The following ST18 variants were observed in gnomAD, a reference collection of about 807,000 sequenced individuals.
ST18 encodes the protein suppression of tumorigenicity 18 protein.
In ST18, 50 loss-of-function variants were observed where a neutral mutation model predicts 110.0. The ratio of observed to expected loss-of-function variants is 0.45; its 90% CI spans 0.36 to 0.58. ST18 has a LOEUF of 0.58. Among genes scored for constraint, ST18 ranks in the 20% least tolerant of loss-of-function variants. ST18 has a pLI of 0.00. For missense variants in ST18, 1,306 were observed against 1,280.1 expected, an observed-to-expected ratio of 1.02 and a Z score of -0.31; for synonymous variants, 461 against 452.4, an observed-to-expected ratio of 1.02 and a Z score of -0.24.
At chr8:52,214,356 T>A in intron 6 of ST18, 99 bp from the exon 7 acceptor site, 1 of 1,268,034 alleles carries the variant, frequency 7.9e-7, no homozygotes, top group Non-Finnish European at 1.1e-6. Flanking sequence ...TGAAAAACAG[T>A]AGCCTTCCAT....
chr8:52,120,048 A>G (rs555648898), intron 23 of ST18, among the ~76,000 whole-genome samples: 1 of 152,308 alleles, frequency 6.6e-6, no homozygotes, highest in Non-Finnish European at 1.5e-5. Context: ...TACTCATGGA[A>G]CTATAGTATC....
chr8:52,311,222 C>G (rs2095901426), intron 2 of ST18, among the ~76,000 whole-genome samples: 1 of 152,200 alleles, frequency 6.6e-6, no homozygotes. Flanking sequence ...TCCTGCGGGG[C>G]TCAGCAGTGA....
intron 2 of ST18, among the ~76,000 whole-genome samples, chr8:52,331,303 T>C (rs1173115267): frequency 2.6e-5 from 4 of 151,630 alleles, no homozygotes; most frequent in Non-Finnish European, 5.9e-5. Flanking sequence ...AATATGTTTA[T>C]CTGTATTTAT....
In ST18 at chr8:52,148,353, C is replaced by A. The variant is rs189118834; in HGVS notation, c.2052+1379G>T. 1.2e-4 allele frequency among the ~76,000 whole-genome samples: 18 copies of A among 152,202 alleles called. No individual in the cohort carries two copies. The East Asian group carries it at 3.5e-3, about 29-fold the overall frequency. ...AATCAAAAGCTGCAGTGTGTGAATC[C>A]CCTCATCCTTCCATGTGATGGCTTG... is the stretch of plus-strand genomic sequence containing the variant. On this transcript the variant is annotated intron_variant, in intron 16 of 25. Coordinates refer to ENST00000689386, the MANE Select transcript of ST18 (RefSeq NM_001352837.2).
intron 2 of ST18, among the ~76,000 whole-genome samples, chr8:52,368,191 A>G (rs1828892124): frequency 6.6e-6 from 1 of 152,148 alleles, no homozygotes; most frequent in African/African-American, 2.4e-5. Flanking sequence ...TTTTTCATTA[A>G]GCATCCCTAA....
chr8:52,281,527 T>A (rs1389997887), intron 2 of ST18, among the ~76,000 whole-genome samples: 2 of 152,224 alleles, frequency 1.3e-5, no homozygotes, highest in Non-Finnish European at 2.9e-5. Context: ...CAACCTTATA[T>A]TTGAAGACTG....
intron 10 of ST18, among the ~76,000 whole-genome samples, chr8:52,169,622 G>T (rs909524857): frequency 6.6e-6 from 1 of 152,064 alleles, no homozygotes; most frequent in African/African-American, 2.4e-5. Context: ...TGTCAGTTGG[G>T]ATAAGCATTG....
chr8:52,385,940 C>T (rs1813700871), intron 2 of ST18, among the ~76,000 whole-genome samples: 1 of 152,070 alleles, frequency 6.6e-6, no homozygotes, highest in South Asian at 2.1e-4. Flanking sequence ...AGGGAAGGGC[C>T]CTCACAAATG....
chr8:52,349,190 C>A (rs1819139968), intron 2 of ST18, among the ~76,000 whole-genome samples: 1 of 152,160 alleles, frequency 6.6e-6, no homozygotes, highest in African/African-American at 2.4e-5. Context: ...CTTCTTCTTT[C>A]TCCCTTCCCT....
chr8:52,390,668 A>C (rs1839002412), intron 2 of ST18, among the ~76,000 whole-genome samples: 1 of 152,218 alleles, frequency 6.6e-6, no homozygotes, highest in African/African-American at 2.4e-5. Flanking sequence ...CCAACTGCAC[A>C]GGGCTAGACT....
intron 2 of ST18, among the ~76,000 whole-genome samples, chr8:52,273,499 A>G (rs184670180): frequency 9.8e-5 from 15 of 152,344 alleles, no homozygotes; most frequent in African/African-American, 3.4e-4. Flanking sequence ...GGGTTAACTC[A>G]GAATATTCCA....
intron 24 of ST18, among the ~76,000 whole-genome samples, chr8:52,116,894 T>G (rs2042757460): frequency 6.6e-6 from 1 of 152,146 alleles, no homozygotes; most frequent in African/African-American, 2.4e-5. Context: ...AGTGTGACTG[T>G]GCTACCTTCT....
chr8:52,156,638 T>C lies in ST18; in HGVS notation c.1806+2260A>G, dbSNP rs1486614303. Among the ~76,000 whole-genome samples, 3 of 152,216 alleles carry C rather than the reference T, an allele frequency of 2.0e-5. No individual in the cohort carries two copies. In the East Asian group the frequency reaches 5.8e-4, roughly 29 times the overall value. On this transcript the variant is annotated intron_variant, in intron 15 of 25. Transcript: ENST00000689386. ...CTCACTTTTGCTAAAATAATTATCT[T>C]GTTAATTCAGGAATAAATGAGATTC...
intron 2 of ST18, among the ~76,000 whole-genome samples, chr8:52,381,617 T>G (rs1308864911): frequency 6.6e-6 from 1 of 152,220 alleles, no homozygotes. Context: ...CAAAGATTCT[T>G]GGAGTCGTCT....
intron 2 of ST18, among the ~76,000 whole-genome samples, chr8:52,384,324 A>C (rs779837228): frequency 1.3e-4 from 20 of 152,128 alleles, no homozygotes; most frequent in Non-Finnish European, 2.4e-4. Flanking sequence ...TTAATAGATA[A>C]TTTATAGGCA....
chr8:52,212,029 T>G, intron 8 of ST18, 50 bp downstream of exon 8: 1 of 1,562,086 alleles, frequency 6.4e-7, no homozygotes, highest in Non-Finnish European at 8.7e-7. Flanking sequence ...ATCATTCGAA[T>G]AATCAAGGCC....
chr8:52,222,801 T>C (rs1178667612), intron 3 of ST18, among the ~76,000 whole-genome samples: 2 of 152,198 alleles, frequency 1.3e-5, no homozygotes, highest in Non-Finnish European at 2.9e-5. Context: ...CTTAAATATG[T>C]TATGAGGGCT....
At chr8:52,185,208 C>A (rs540582841) in intron 8 of ST18, among the ~76,000 whole-genome samples, 1 of 151,936 alleles carries the variant, frequency 6.6e-6, no homozygotes, top group South Asian at 2.1e-4. Context: ...ATATGAAATA[C>A]CTAGGAATAA....
intron 2 of ST18, among the ~76,000 whole-genome samples, chr8:52,320,017 C>T (rs1010015410): frequency 1.3e-5 from 2 of 152,076 alleles, no homozygotes; most frequent in African/African-American, 4.8e-5. Context: ...GACAAGCAAT[C>T]CCAGATTCAA....
Sources: allele counts gnomAD v4.1 joint callset (sites outside exome capture counted in the v4.1 genomes callset), GRCh38; gene constraint gnomAD v4.1.1; transcripts MANE v1.5; gene names NCBI Gene and HGNC (gene_info 2026-07-23, HGNC 2026-07-21).